The following MGMT variants were observed in gnomAD, a reference collection of about 807,000 sequenced individuals.
MGMT encodes the protein methylated-DNA--protein-cysteine methyltransferase.
In MGMT, 14 loss-of-function variants were observed where a neutral mutation model predicts 15.9. That is an observed-to-expected ratio of 0.88 (90% CI 0.58 to 1.37). The LOEUF (loss-of-function observed/expected upper bound fraction) is 1.37, where lower values mean the gene tolerates loss of function less well. Ranked by LOEUF, MGMT falls within the 40% of genes most tolerant of loss-of-function variation. The probability of loss-of-function intolerance (pLI) is 0.00; values close to 1 mark genes in which losing one functional copy is unlikely to be tolerated. For synonymous variants in MGMT, 130 were observed against 118.2 expected (o/e 1.10, Z -0.65); for missense variants, 282 against 268.1 (o/e 1.05, Z -0.36).
chr10:129,662,863 C>G (rs1847615256), intron 2 of MGMT, among the ~76,000 whole-genome samples: 1 of 152,138 alleles, frequency 6.6e-6, no homozygotes, highest in Non-Finnish European at 1.5e-5. Context: ...AAGTCACACT[C>G]ATAATGAAGA....
chr10:129,687,065 G>A (rs917827795), intron 2 of MGMT, among the ~76,000 whole-genome samples: 2 of 152,186 alleles, frequency 1.3e-5, no homozygotes, highest in East Asian at 1.9e-4. Context: ...CTCCTTAGTC[G>A]CTGCAACCCT....
chr10:129,733,355 AC>A (rs1848523746), intron 3 of MGMT, among the ~76,000 whole-genome samples: 1 of 151,994 alleles, frequency 6.6e-6, no homozygotes, highest in African/African-American at 2.4e-5. Flanking sequence ...ATAAATGTCT[AC>A]TTTTGAGAAG....
At chr10:129,567,203 T>C (rs1846366104) in intron 2 of MGMT, among the ~76,000 whole-genome samples, 1 of 152,120 alleles carries the variant, frequency 6.6e-6, no homozygotes, top group South Asian at 2.1e-4. Context: ...GCCAGACCCA[T>C]CCAGCCTGTG....
At chr10:129,721,624 A>G (rs1848372484) in intron 3 of MGMT, among the ~76,000 whole-genome samples, 1 of 152,236 alleles carries the variant, frequency 6.6e-6, no homozygotes, top group African/African-American at 2.4e-5. Flanking sequence ...ACAATAGCAT[A>G]GAAGATGAGA....
At chr10:129,470,663 C>T (rs117026218) in intron 1 of MGMT, among the ~76,000 whole-genome samples, 5,024 of 152,284 alleles carry the variant, frequency 0.033, 133 homozygotes, top group Non-Finnish European at 0.055. Flanking sequence ...CCTGCGCTCC[C>T]GAAGCTCCTC....
chr10:129,569,603 G>T (rs1846394508), intron 2 of MGMT, among the ~76,000 whole-genome samples: 1 of 152,146 alleles, frequency 6.6e-6, no homozygotes, highest in Non-Finnish European at 1.5e-5. Flanking sequence ...GTGATGCCCA[G>T]AATCCCAGTC....
intron 2 of MGMT, among the ~76,000 whole-genome samples, chr10:129,538,517 G>C (rs192674599): frequency 6.6e-6 from 1 of 152,172 alleles, no homozygotes; most frequent in Non-Finnish European, 1.5e-5. Flanking sequence ...CATTCTGGCT[G>C]GTATGAAGTA....
At chr10:129,475,605 C>T (rs1014276991) in intron 1 of MGMT, among the ~76,000 whole-genome samples, 5 of 152,182 alleles carry the variant, frequency 3.3e-5, no homozygotes, top group Non-Finnish European at 1.5e-5. Flanking sequence ...TCAGATTAAG[C>T]TGTCGAGTCA....
chr10:129,754,028 A>C (rs763650987), intron 3 of MGMT, among the ~76,000 whole-genome samples: 2 of 152,156 alleles, frequency 1.3e-5, no homozygotes, highest in Non-Finnish European at 2.9e-5. Flanking sequence ...TCCTCTTAAC[A>C]TCAGTTCTTT....
intron 3 of MGMT, among the ~76,000 whole-genome samples, chr10:129,718,617 C>T (rs1848329035): frequency 6.6e-6 from 1 of 152,262 alleles, no homozygotes; most frequent in African/African-American, 2.4e-5. Context: ...CCAGACACAC[C>T]TCCTGCCCTT....
intron 3 of MGMT, among the ~76,000 whole-genome samples, chr10:129,727,324 C>T (rs1003897627): frequency 6.6e-6 from 1 of 152,202 alleles, no homozygotes; most frequent in African/African-American, 2.4e-5. Context: ...ATACAGGCAG[C>T]CCCAGGAGAG....
Position 129,640,060 on chromosome 10 carries a change from G to A in MGMT, c.126-67835G>A, listed in dbSNP as rs147397068. Among the ~76,000 whole-genome samples, 535 of 150,230 alleles carry A rather than the reference G, an allele frequency of 3.6e-3. 3 individuals are homozygous for A. Among genetic ancestry groups the A allele is most frequent in the African/African-American group, 0.012 (504 of 40,938 alleles). On this transcript the variant is annotated intron_variant, in intron 2 of 4. Transcript: ENST00000651593. ...AAAAAGTGCATAGCAGGACAGTTTC[G>A]CTACCCATATGTTTGACTGCTTAGA...
intron 2 of MGMT, among the ~76,000 whole-genome samples, chr10:129,616,884 C>A (rs1847033757): frequency 6.6e-6 from 1 of 152,142 alleles, no homozygotes; most frequent in African/African-American, 2.4e-5. Context: ...AGGAGGTGGT[C>A]ATGGTCACTC....
At position 129,523,257 on chromosome 10, in the gene MGMT, C is replaced by T. The variant is rs146693504; in HGVS notation, c.-12-12984C>T. ...CCGGGCCAGAGCCCTGTGGGGTGAG[C>T]GCCATCCTGGCCAGGCCACACGGCC... On this transcript the variant is annotated intron_variant, in intron 1 of 4. Coordinates refer to ENST00000651593, the MANE Select transcript of MGMT (RefSeq NM_002412.5). 2.0e-3 allele frequency among the ~76,000 whole-genome samples: 301 copies of T among 152,340 alleles called. 1 individual carries two copies. The highest frequency in any genetic ancestry group is 3.5e-3 in the Non-Finnish European group (235 of 68,038).
chr10:129,639,519 C>G (rs1291944317), intron 2 of MGMT, among the ~76,000 whole-genome samples: 1 of 152,156 alleles, frequency 6.6e-6, no homozygotes, highest in Non-Finnish European at 1.5e-5. Context: ...ATGTAATTAA[C>G]ATTTCTGGAA....
chr10:129,620,563 C>G (rs546958654), intron 2 of MGMT, among the ~76,000 whole-genome samples: 2 of 152,308 alleles, frequency 1.3e-5, no homozygotes, highest in African/African-American at 4.8e-5. Context: ...TGTGCTGGCT[C>G]CTTAACAGTA....
At position 129,768,479 on chromosome 10, in the gene MGMT, C is replaced by T. The variant is rs1589985007; in HGVS notation, c.*1482C>T. On this transcript the variant is annotated 3_prime_UTR_variant, in exon 5 of 5. Coordinates refer to ENST00000651593, the MANE Select transcript of MGMT (RefSeq NM_002412.5). Reference sequence around the variant, plus strand: ...GCCGCACGCCGCGTCACCGTCAGGACTCGCAGGCTGTCTGGTCATTTTTGA... The same window carrying T: ...GCCGCACGCCGCGTCACCGTCAGGATTCGCAGGCTGTCTGGTCATTTTTGA... Among the ~76,000 whole-genome samples, 1 of 152,234 alleles carries T rather than the reference C, an allele frequency of 6.6e-6. No individual in the cohort carries two copies. Among genetic ancestry groups the T allele is most frequent in the East Asian group, 1.9e-4 (1 of 5,174 alleles).
chr10:129,480,179 T>C (rs931480347), intron 1 of MGMT, among the ~76,000 whole-genome samples: 3 of 152,184 alleles, frequency 2.0e-5, no homozygotes, highest in Non-Finnish European at 4.4e-5. Context: ...ATCAAGAGAA[T>C]CTGGCCTCAC....
intron 2 of MGMT, among the ~76,000 whole-genome samples, chr10:129,562,760 T>C (rs914343252): frequency 6.6e-6 from 1 of 152,220 alleles, no homozygotes; most frequent in African/African-American, 2.4e-5. Flanking sequence ...ACGCAGCCTC[T>C]GCCAGGTTTC....
Sources: allele counts gnomAD v4.1 joint callset (sites outside exome capture counted in the v4.1 genomes callset), GRCh38; gene constraint gnomAD v4.1.1; transcripts MANE v1.5; gene names NCBI Gene and HGNC (gene_info 2026-07-23, HGNC 2026-07-21).